PRKAG2: variants seen among roughly 807,000 people sequenced by gnomAD.
The protein encoded by PRKAG2 is protein kinase AMP-activated non-catalytic subunit gamma 2.
PRKAG2 carries 26 observed loss-of-function variants against 69.6 expected under a neutral mutation model. The ratio of observed to expected loss-of-function variants is 0.37; its 90% CI spans 0.27 to 0.52. The LOEUF is 0.52. Ranked by LOEUF, PRKAG2 falls within the 20% of genes least tolerant of loss-of-function variation. The probability of loss-of-function intolerance (pLI) is 0.90; values close to 1 mark genes in which losing one functional copy is unlikely to be tolerated. For synonymous variants in PRKAG2, 293 were observed against 285.0 expected (o/e 1.03, Z -0.28); for missense variants, 557 against 740.0 (o/e 0.75, Z 2.87).
chr7:151,839,415 C>A (rs1011449117), intron 1 of PRKAG2, among the ~76,000 whole-genome samples: 1 of 152,184 alleles, frequency 6.6e-6, no homozygotes, highest in Non-Finnish European at 1.5e-5. Context: ...CCTCTTTAGG[C>A]CTCAGTTTCC....
At chr7:151,859,995 C>T (rs986870901) in intron 1 of PRKAG2, among the ~76,000 whole-genome samples, 1 of 152,216 alleles carries the variant, frequency 6.6e-6, no homozygotes, top group Admixed American at 6.5e-5. Flanking sequence ...CTCTCCGCCA[C>T]CTGCAGGTGG....
chr7:151,843,601 A>G (rs62480473), intron 1 of PRKAG2, among the ~76,000 whole-genome samples: 21,596 of 152,220 alleles, frequency 0.14, 1,530 homozygotes, highest in East Asian at 0.28. Flanking sequence ...CTATTCCCAG[A>G]GCTGAGTATT....
At chr7:151,618,972 T>C (rs1196235095) in intron 5 of PRKAG2, among the ~76,000 whole-genome samples, 1 of 151,812 alleles carries the variant, frequency 6.6e-6, no homozygotes, top group Non-Finnish European at 1.5e-5. Flanking sequence ...GGCGAGAAAA[T>C]GCACACACTC....
rs374962212 is a variant in PRKAG2 at position 151,736,093 on chromosome 7, G to A, written c.466+45059C>T. 907 of 1,517,532 alleles carry A rather than the reference G, an allele frequency of 6.0e-4. 4 individuals carry two copies. In the South Asian group the frequency reaches 0.01, roughly 17 times the overall value. 94.0% of individuals were successfully genotyped at this position (1,517,532 alleles called of 1,614,324 possible). On this transcript the variant is annotated intron_variant, in intron 3 of 15. Transcript: ENST00000287878. Reference sequence around the variant, plus strand: ...CCGGGAGCCAGAGGAGCATCAGCCCGACAGGCACAGGGCGCCCCAAAAGCT... The same window carrying A: ...CCGGGAGCCAGAGGAGCATCAGCCCAACAGGCACAGGGCGCCCCAAAAGCT...
At chr7:151,824,388 C>T (rs1458803497) in intron 1 of PRKAG2, among the ~76,000 whole-genome samples, 1 of 152,220 alleles carries the variant, frequency 6.6e-6, no homozygotes, top group Non-Finnish European at 1.5e-5. Flanking sequence ...CTTGTGTTAA[C>T]ATCAAGGTTT....
intron 3 of PRKAG2, among the ~76,000 whole-genome samples, chr7:151,731,795 G>T (rs188786174): frequency 6.6e-6 from 1 of 152,272 alleles, no homozygotes; most frequent in East Asian, 1.9e-4. Flanking sequence ...GGGATTTCAT[G>T]ACCCTCACAG....
chr7:151,617,816 T>A (rs1448097828), intron 5 of PRKAG2, among the ~76,000 whole-genome samples: 1 of 152,228 alleles, frequency 6.6e-6, no homozygotes, highest in African/African-American at 2.4e-5. Flanking sequence ...ATTCACAATT[T>A]TAACTTAATA....
intron 1 of PRKAG2, among the ~76,000 whole-genome samples, chr7:151,855,056 ACACCATCCT>A (rs1563756635): frequency 1.2e-3 from 59 of 49,814 alleles, no homozygotes; most frequent in East Asian, 0.01. Flanking sequence ...CCCTCCACAC[ACACCATCCT>A]CCACACACAC....
intron 5 of PRKAG2, among the ~76,000 whole-genome samples, chr7:151,620,620 G>A (rs1205071754): frequency 6.6e-6 from 1 of 151,956 alleles, no homozygotes; most frequent in Non-Finnish European, 1.5e-5. Flanking sequence ...TGGGACTACA[G>A]GCATCCGCTA....
chr7:151,797,227 A>ACCCCCC (rs55815832), intron 1 of PRKAG2, among the ~76,000 whole-genome samples: 5 of 132,830 alleles, frequency 3.8e-5, no homozygotes, highest in African/African-American at 1.2e-4. Context: ...GCTTCTTGCC[A>ACCCCCC]CCCCCCCCAC....
intron 3 of PRKAG2, among the ~76,000 whole-genome samples, chr7:151,718,283 G>GA (rs947483443): frequency 6.6e-6 from 1 of 151,954 alleles, no homozygotes; most frequent in African/African-American, 2.4e-5. Context: ...GGTGGAGGGG[G>GA]GGGTAGAGCT....
At chr7:151,564,290 T>C in intron 13 of PRKAG2, 66 bp from the exon 14 acceptor site, 1 of 1,566,662 alleles carries the variant, frequency 6.4e-7, no homozygotes, top group Non-Finnish European at 8.8e-7. Flanking sequence ...CCAAAATTAG[T>C]GAGCTTAAGA....
chr7:151,796,484 A>G (rs1467564287), intron 1 of PRKAG2, among the ~76,000 whole-genome samples: 1 of 152,160 alleles, frequency 6.6e-6, no homozygotes, highest in African/African-American at 2.4e-5. Context: ...AAGCACCACG[A>G]TCACCTCCTA....
rs759788810 is a variant in PRKAG2 at position 151,754,782 on chromosome 7, G to A, written c.466+26370C>T. On this transcript the variant is annotated intron_variant, in intron 3 of 15. Coordinates refer to ENST00000287878, the MANE Select transcript of PRKAG2 (RefSeq NM_016203.4). Reference sequence around the variant, plus strand: ...CGAGTACCTCACTCTCCAGCACTTCGAGCTGCACCTCACTCCCCAGCACTT... The same window carrying A: ...CGAGTACCTCACTCTCCAGCACTTCAAGCTGCACCTCACTCCCCAGCACTT... 2.7e-5 allele frequency among the ~76,000 whole-genome samples: 4 copies of A among 147,720 alleles called. No individual in the cohort carries two copies. The South Asian group carries it at 6.6e-4, about 24-fold the overall frequency.
At chr7:151,585,664 A>G (rs971511589) in intron 6 of PRKAG2, among the ~76,000 whole-genome samples, 1 of 152,212 alleles carries the variant, frequency 6.6e-6, no homozygotes, top group African/African-American at 2.4e-5. Flanking sequence ...TTCGATTATT[A>G]TCAGCTATCC....
chr7:151,729,973 G>A (rs1563542347), intron 3 of PRKAG2, among the ~76,000 whole-genome samples: 1 of 152,228 alleles, frequency 6.6e-6, no homozygotes, highest in African/African-American at 2.4e-5. Context: ...GGTCCCTGGA[G>A]TTATCACATT....
At chr7:151,776,963 C>G (rs1194193101) in intron 3 of PRKAG2, among the ~76,000 whole-genome samples, 1 of 152,150 alleles carries the variant, frequency 6.6e-6, no homozygotes, top group African/African-American at 2.4e-5. Context: ...CCCTTGGGTG[C>G]TGGACACTGC....
At chr7:151,649,937 C>G (rs1416842662) in intron 4 of PRKAG2, among the ~76,000 whole-genome samples, 1 of 152,128 alleles carries the variant, frequency 6.6e-6, no homozygotes, top group Non-Finnish European at 1.5e-5. Flanking sequence ...AAGGGATATG[C>G]AGGTATCTAA....
chr7:151,793,673 C>T (rs767019299), intron 1 of PRKAG2, among the ~76,000 whole-genome samples: 14 of 152,198 alleles, frequency 9.2e-5, no homozygotes, highest in Non-Finnish European at 1.3e-4. Context: ...CAAGTGGTGA[C>T]GGCCTTGGCA....
Sources: gnomAD v4.1 joint callset for allele counts (sites outside exome capture counted in the v4.1 genomes callset) on GRCh38, gnomAD v4.1.1 for gene constraint, MANE v1.5 for transcripts, NCBI Gene and HGNC (gene_info 2026-07-23, HGNC 2026-07-21) for gene names.